ZFHX3: variants seen among roughly 807,000 people sequenced by gnomAD.
The protein encoded by ZFHX3 is zinc finger homeobox 3, also known as zinc finger homeobox protein 3.
Under a neutral mutation model 279.1 loss-of-function variants are expected in ZFHX3, and 42 were observed. That is an observed-to-expected ratio of 0.15 (90% CI 0.12 to 0.19). The LOEUF (loss-of-function observed/expected upper bound fraction) is 0.19, where lower values mean the gene tolerates loss of function less well. Ranked by LOEUF, ZFHX3 falls within the 10% of genes least tolerant of loss-of-function variation. The probability of loss-of-function intolerance (pLI) is 1.00; values close to 1 mark genes in which losing one functional copy is unlikely to be tolerated. For missense variants in ZFHX3, 4,981 were observed against 4,754.0 expected (o/e 1.05, Z -1.40); for synonymous variants, 2,293 against 1,957.8 (o/e 1.17, Z -4.52).
chr16:73,271,775 C>T (rs2014151808), intron 4 of ZFHX3, among the ~76,000 whole-genome samples: 1 of 152,208 alleles, frequency 6.6e-6, no homozygotes, highest in Non-Finnish European at 1.5e-5. Context: ...CTATGCCATG[C>T]TTCCTGCCCT....
chr16:73,871,642 T>A lies in ZFHX3; in HGVS notation c.-1608+20009A>T, dbSNP rs181227211. ...ATAAATTAGTGACCAAATAATAACCTGAAAAGATGACATCAAGATGGAAAG... is the reference window on the plus strand; with the variant it reads ...ATAAATTAGTGACCAAATAATAACCAGAAAAGATGACATCAAGATGGAAAG... On this transcript the variant is annotated intron_variant, in intron 1 of 17. Transcript: ENST00000641206. Among the ~76,000 whole-genome samples the A allele has an allele frequency of 1.2e-3, 178 of 152,142 alleles. 3 individuals carry two copies. The highest frequency in any genetic ancestry group is 4.1e-3 in the African/African-American group (169 of 41,504).
intron 1 of ZFHX3, among the ~76,000 whole-genome samples, chr16:73,821,593 G>T (rs887255225): frequency 2.0e-5 from 3 of 152,226 alleles, no homozygotes; most frequent in African/African-American, 7.2e-5. Flanking sequence ...CGTGGTGCTG[G>T]CACACAGAGG....
chr16:73,037,043 C>G (rs570163945), intron 1 of ZFHX3, among the ~76,000 whole-genome samples: 31 of 152,130 alleles, frequency 2.0e-4, no homozygotes, highest in Non-Finnish European at 3.2e-4. Flanking sequence ...AAGACCCTCA[C>G]CCCACCCTCC....
At chr16:73,872,096 T>C (rs2029863066) in intron 1 of ZFHX3, among the ~76,000 whole-genome samples, 1 of 152,230 alleles carries the variant, frequency 6.6e-6, no homozygotes, top group Admixed American at 6.5e-5. Context: ...ATGTGAACCC[T>C]AATTAGTGAC....
intron 2 of ZFHX3, among the ~76,000 whole-genome samples, chr16:73,626,759 A>G (rs1240915579): frequency 2.0e-5 from 3 of 151,970 alleles, no homozygotes; most frequent in African/African-American, 7.3e-5. Flanking sequence ...TTTTTCACTG[A>G]CTCTGCACTC....
intron 4 of ZFHX3, among the ~76,000 whole-genome samples, chr16:73,281,313 AC>A (rs1043507809): frequency 1.7e-4 from 26 of 152,222 alleles, no homozygotes; most frequent in African/African-American, 5.8e-4. Flanking sequence ...AAAGAGGGAA[AC>A]CCTGCCATTT....
At chr16:73,164,470 C>T (rs141501259) in intron 5 of ZFHX3, among the ~76,000 whole-genome samples, 70 of 152,214 alleles carry the variant, frequency 4.6e-4, no homozygotes, top group Middle Eastern at 3.4e-3. Flanking sequence ...GAGGCCAAGG[C>T]GGGTGGATCA....
At chr16:73,637,216 ATT>A (rs1179577622) in intron 2 of ZFHX3, among the ~76,000 whole-genome samples, 2 of 137,958 alleles carry the variant, frequency 1.4e-5, no homozygotes, top group African/African-American at 5.4e-5. Flanking sequence ...TTAAAACCAT[ATT>A]TTTTTTTTGT....
At chr16:73,248,645 A>ATGTG (rs145260850) in intron 5 of ZFHX3, among the ~76,000 whole-genome samples, 71 of 149,114 alleles carry the variant, frequency 4.8e-4, no homozygotes, top group Middle Eastern at 3.6e-3. Flanking sequence ...TGGAGAATGT[A>ATGTG]TGTGTGTGTG....
At chr16:73,003,520 C>CCA (rs143498870) in intron 1 of ZFHX3, among the ~76,000 whole-genome samples, 1 of 112,492 alleles carries the variant, frequency 8.9e-6, no homozygotes, top group East Asian at 2.1e-4. Flanking sequence ...AGACCCCCCC[C>CCA]TCCCCACCCC....
chr16:72,939,925 C>T (rs1384928366), intron 3 of ZFHX3, among the ~76,000 whole-genome samples: 1 of 152,148 alleles, frequency 6.6e-6, no homozygotes, highest in Non-Finnish European at 1.5e-5. Context: ...ACTATAAGCA[C>T]CACCACACCC....
intron 7 of ZFHX3, among the ~76,000 whole-genome samples, chr16:73,103,689 T>G (rs1326101275): frequency 6.6e-6 from 1 of 152,202 alleles, no homozygotes; most frequent in Non-Finnish European, 1.5e-5. Flanking sequence ...GAATATTTTC[T>G]GTGTTTACTA....
intron 2 of ZFHX3, among the ~76,000 whole-genome samples, chr16:73,593,566 G>T (rs1258977850): frequency 8.3e-6 from 1 of 120,988 alleles, no homozygotes; most frequent in Non-Finnish European, 1.7e-5. Context: ...GAAAAGAAAA[G>T]AGAAGAAAAG....
Position 72,787,476 on chromosome 16 carries a change from C to A in ZFHX3, c.10800G>T (p.Pro3600=), listed in dbSNP as rs138797150. The change falls in exon 10 of 10, where the codon CCG becomes CCT. Residue 3600 remains proline (P), a synonymous_variant. Transcript: ENST00000268489. ...AAHSNDSPPP[P]SAAAPSSASP... ...AAGCGGAGGAGGGGGCGGCGGCCGA[C>A]GGGGGAGGGGGGCTGTCGTTTGAGT... 8.7e-6 allele frequency: 8 copies of A among 922,814 alleles called. No individual in the cohort carries two copies. In the African/African-American group the frequency reaches 2.9e-4, roughly 33 times the overall value. The allele number at this position is 922,814 out of a possible 1,614,324, so 57.2% of individuals were successfully genotyped here. A position where few individuals can be genotyped will look rare whatever the true frequency, so the allele number is the denominator to read the frequency against.
intron 5 of ZFHX3, among the ~76,000 whole-genome samples, chr16:72,824,487 C>T (rs547497982): frequency 3.3e-5 from 5 of 152,236 alleles, no homozygotes; most frequent in Admixed American, 1.3e-4. Context: ...AAAATATGAA[C>T]GTCAGGGATT....
chr16:73,309,685 C>G (rs1389765519), intron 4 of ZFHX3, among the ~76,000 whole-genome samples: 1 of 152,080 alleles, frequency 6.6e-6, no homozygotes, highest in Non-Finnish European at 1.5e-5. Flanking sequence ...GGTCTCAGAG[C>G]CTCAGGCATG....
chr16:73,425,451 A>G (rs2017793969), intron 3 of ZFHX3, among the ~76,000 whole-genome samples: 1 of 152,234 alleles, frequency 6.6e-6, no homozygotes, highest in Non-Finnish European at 1.5e-5. Context: ...TTCTAAGGGC[A>G]TGAAACCTAT....
intron 1 of ZFHX3, among the ~76,000 whole-genome samples, chr16:73,053,146 C>T (rs140130536): frequency 2.0e-5 from 3 of 152,278 alleles, no homozygotes; most frequent in African/African-American, 7.2e-5. Flanking sequence ...GGGGCCTATG[C>T]AGTCAGATTT....
intron 3 of ZFHX3, among the ~76,000 whole-genome samples, chr16:72,947,000 T>C (rs1339652350): frequency 6.6e-6 from 1 of 152,244 alleles, no homozygotes; most frequent in Non-Finnish European, 1.5e-5. Flanking sequence ...CTGGAGCCTC[T>C]GGGCTTCTTG....
Sources: gnomAD v4.1 joint callset for allele counts (sites outside exome capture counted in the v4.1 genomes callset) on GRCh38, gnomAD v4.1.1 for gene constraint, MANE v1.5 for transcripts, NCBI Gene and HGNC (gene_info 2026-07-23, HGNC 2026-07-21) for gene names.